BCL2L15: variants seen among roughly 807,000 people sequenced by gnomAD.
The protein encoded by BCL2L15 is bcl-2-like protein 15.
In BCL2L15, 15 loss-of-function variants were observed where a neutral mutation model predicts 18.3. That is an observed-to-expected ratio of 0.82 (90% CI 0.55 to 1.26). The LOEUF is 1.26. Ranked by LOEUF, BCL2L15 falls within the 50% of genes most tolerant of loss-of-function variation. The pLI is 0.00. For missense variants in BCL2L15, 180 were observed against 201.7 expected (o/e 0.89, Z 0.65); for synonymous variants, 58 against 68.5 (o/e 0.85, Z 0.76).
rs953698784 is a variant in BCL2L15 at position 113,886,926 on chromosome 1, G to A, written c.128-268C>T. 6.1e-5 allele frequency among the ~76,000 whole-genome samples: 9 copies of A among 148,714 alleles called. No individual in the cohort carries two copies. In the South Asian group the frequency reaches 1.1e-3, roughly 17 times the overall value. On this transcript the variant is annotated intron_variant, in intron 1 of 3. Transcript: ENST00000393316. Reference sequence around the variant, plus strand: ...ATACTGTTTTTTTTTTTTTGAGACCGAGTCTCTGTCGCCCAGACTGGAGTG... The same window carrying A: ...ATACTGTTTTTTTTTTTTTGAGACCAAGTCTCTGTCGCCCAGACTGGAGTG...
At chr1:113,881,445 A>T in intron 3 of BCL2L15, 1 of 1,342,826 alleles carries the variant, frequency 7.4e-7, no homozygotes, top group Non-Finnish European at 9.6e-7. Flanking sequence ...CCAGAAATTT[A>T]CAAAGGAACG....
chr1:113,882,266 T>C (rs1666898273), intron 2 of BCL2L15, among the ~76,000 whole-genome samples: 1 of 152,150 alleles, frequency 6.6e-6, no homozygotes, highest in Non-Finnish European at 1.5e-5. Context: ...GAAAAATGAT[T>C]TGAAAGAAAA....
rs997453793 is a variant in BCL2L15, at chr1:113,878,611, G to T, written c.*2512C>A. On this transcript the variant is annotated 3_prime_UTR_variant, in exon 4 of 4. Transcript: ENST00000393316. ...GAAACTTAGTTCAAATGCATAGACA[G>T]AAGTTTATTTCATAAAACAGAATAG... 1 of 152,304 alleles carries T rather than the reference G, an allele frequency of 6.6e-6. No individual in the cohort carries two copies. The highest frequency in any genetic ancestry group is 1.5e-5 in the Non-Finnish European group (1 of 68,020). 9.4% of individuals were successfully genotyped at this position (152,304 alleles called of 1,614,324 possible). A position where few individuals can be genotyped will look rare whatever the true frequency, so the allele number is the denominator to read the frequency against.
At position 113,878,273 on chromosome 1, in the gene BCL2L15, T is replaced by C. The variant is rs980197572; in HGVS notation, c.*2850A>G. The C allele has an allele frequency of 3.2e-4, 48 of 152,262 alleles. No individual in the cohort carries two copies. Among genetic ancestry groups the C allele is most frequent in the African/African-American group, 1.1e-3 (46 of 41,470 alleles). The allele number at this position is 152,262 out of a possible 1,614,324, so 9.4% of individuals were successfully genotyped here. ...TAGAAACTAAGGTACAGAAGAATTA[T>C]GTCTCTTGCCCAATGTCACATAATT... On this transcript the variant is annotated 3_prime_UTR_variant, in exon 4 of 4. Transcript: ENST00000393316.
At position 113,878,807 on chromosome 1, in the gene BCL2L15, G is replaced by C. The variant is rs548400326; in HGVS notation, c.*2316C>G. The C allele has an allele frequency of 2.6e-5, 4 of 151,508 alleles. No individual in the cohort carries two copies. Among genetic ancestry groups the C allele is most frequent in the African/African-American group, 4.8e-5 (2 of 41,256 alleles). 9.4% of individuals were successfully genotyped at this position (151,508 alleles called of 1,614,324 possible). A position where few individuals can be genotyped will look rare whatever the true frequency, so the allele number is the denominator to read the frequency against. On this transcript the variant is annotated 3_prime_UTR_variant, in exon 4 of 4. Transcript: ENST00000393316. ...CACATCATTTATGGATTACTAACTT[G>C]TTGTGATTTAACTAGGAATAGAGGA...
chr1:113,887,372 T>C lies in BCL2L15; in HGVS notation c.4A>G (p.Lys2Glu). 6.2e-7 allele frequency: 1 copy of C among 1,614,118 alleles called. No homozygotes were observed. The highest frequency in any genetic ancestry group is 8.5e-7 in the Non-Finnish European group (1 of 1,179,962). ...TGTTCCTCAAAAGTTTGGGAGCTCT[T>C]CATTTTAGATGTTTGCTGTCAAGTT... Reference protein sequence around the residue: MKSSQTFEEQTE... With the variant: MESSQTFEEQTE... The change falls in exon 1 of 4, where the codon AAG becomes GAG. Residue 2 changes from lysine (K) to glutamate (E), a missense_variant. Physicochemically the swap from Lys to Glu is moderately conservative, Grantham distance 56. Coordinates refer to ENST00000393316, the MANE Select transcript of BCL2L15 (RefSeq NM_001010922.3).
rs151212386 is a variant in BCL2L15 at position 113,880,986 on chromosome 1, A to T, written c.*137T>A. On this transcript the variant is annotated 3_prime_UTR_variant, in exon 4 of 4. Transcript: ENST00000393316. ...TCCCAACTTTAACAATCAGTAAAAA[A>T]TAACTTATTCAGCTAAGTTCAGTTC... 3.2e-6 allele frequency: 4 copies of T among 1,267,486 alleles called. No individual in the cohort carries two copies. In the African/African-American group the frequency reaches 6.0e-5, roughly 19 times the overall value. 78.5% of individuals were successfully genotyped at this position (1,267,486 alleles called of 1,614,324 possible). A position where few individuals can be genotyped will look rare whatever the true frequency, so the allele number is the denominator to read the frequency against.
At chr1:113,883,739 G>A (rs914986631) in intron 2 of BCL2L15, among the ~76,000 whole-genome samples, 16 of 152,100 alleles carry the variant, frequency 1.1e-4, no homozygotes, top group Non-Finnish European at 1.9e-4. Context: ...AGCGGAGATC[G>A]TGCCACTGCA....
In BCL2L15 at chr1:113,880,213, G is replaced by GTT. The variant is rs1237896886; in HGVS notation, c.*908_*909dup. ...TTTGACCTTCCTAGTAGAAACAACT[G>GTT]TTTTTGTTTGTTTGTTTGTTTTTTG... On this transcript the variant is annotated 3_prime_UTR_variant, in exon 4 of 4. Coordinates refer to ENST00000393316, the MANE Select transcript of BCL2L15 (RefSeq NM_001010922.3). 1.4e-5 allele frequency: 2 copies of GTT among 140,178 alleles called. No homozygotes were observed. The highest frequency in any genetic ancestry group is 3.3e-5 in the Non-Finnish European group (2 of 60,628). 8.7% of individuals were successfully genotyped at this position (140,178 alleles called of 1,614,324 possible).
intron 2 of BCL2L15, among the ~76,000 whole-genome samples, chr1:113,883,713 G>GGCA (rs1303398820): frequency 6.6e-5 from 10 of 152,180 alleles, no homozygotes; most frequent in Non-Finnish European, 1.2e-4. Flanking sequence ...GAATCCGAGA[G>GGCA]GCAGGGGTTG....
Position 113,880,904 on chromosome 1 carries a change from T to C in BCL2L15, c.*219A>G. 3.4e-6 allele frequency: 2 copies of C among 588,866 alleles called. No homozygotes were observed. The highest frequency in any genetic ancestry group is 2.1e-5 in the South Asian group (1 of 47,556). The allele number at this position is 588,866 out of a possible 1,614,324, so 36.5% of individuals were successfully genotyped here. ...AAGTAGAAAATCTCTGTGGTTTGCA[T>C]TAAGTTGACAAAACAAAACAAAACA... On this transcript the variant is annotated 3_prime_UTR_variant, in exon 4 of 4. Coordinates refer to ENST00000393316, the MANE Select transcript of BCL2L15 (RefSeq NM_001010922.3).
rs747389971 is a variant in BCL2L15 at position 113,886,550 on chromosome 1, G to A, written c.236C>T (p.Thr79Ile). The A allele has an allele frequency of 4.4e-5, 71 of 1,612,678 alleles. No individual in the cohort carries two copies. Among genetic ancestry groups the A allele is most frequent in the Non-Finnish European group, 5.5e-5 (65 of 1,179,702 alleles). The change falls in exon 2 of 4, where the codon ACC (threonine) becomes ATC (isoleucine). Residue 79 changes from threonine (T) to isoleucine (I), a missense_variant. Physicochemically the swap from Thr to Ile is moderately conservative, Grantham distance 89. Coordinates refer to ENST00000393316, the MANE Select transcript of BCL2L15 (RefSeq NM_001010922.3). ...EASAKNVIAE[T>I]IKGQTGAILQ... ...TAGAAACTTGACCTGTCCCTTAATG[G>A]TTTCTGCAATGACGTTTTTGGCAGA...
At chr1:113,883,481 CAA>C (rs34752806) in intron 2 of BCL2L15, among the ~76,000 whole-genome samples, 8 of 137,538 alleles carry the variant, frequency 5.8e-5, no homozygotes, top group Non-Finnish European at 1.1e-4. Context: ...GACTCCGTCT[CAA>C]AAAAAAAAAA....
Position 113,880,846 on chromosome 1 carries a change from A to G in BCL2L15, c.*277T>C. Reference sequence around the variant, plus strand: ...TTTGTGTCTAGGGGTCTTTGCTTCAACAGAACCTCATTAAAACTCATGTGA... The same window carrying G: ...TTTGTGTCTAGGGGTCTTTGCTTCAGCAGAACCTCATTAAAACTCATGTGA... On this transcript the variant is annotated 3_prime_UTR_variant, in exon 4 of 4. Coordinates refer to ENST00000393316, the MANE Select transcript of BCL2L15 (RefSeq NM_001010922.3). The G allele has an allele frequency of 2.0e-6, 1 of 497,614 alleles. No individual in the cohort carries two copies. The highest frequency in any genetic ancestry group is 3.6e-6 in the Non-Finnish European group (1 of 276,548). The allele number at this position is 497,614 out of a possible 1,614,324, so 30.8% of individuals were successfully genotyped here.
At position 113,877,314 on chromosome 1, in the gene BCL2L15, A is replaced by C. The variant is rs1008499337; in HGVS notation, c.*3809T>G. ...TGTTATTTGATGAACAGTAGGGAGCAGCTGAAGGTTTTTTTTTTTTTTTTA... is the reference window on the plus strand; with the variant it reads ...TGTTATTTGATGAACAGTAGGGAGCCGCTGAAGGTTTTTTTTTTTTTTTTA... On this transcript the variant is annotated 3_prime_UTR_variant, in exon 4 of 4. Coordinates refer to ENST00000393316, the MANE Select transcript of BCL2L15 (RefSeq NM_001010922.3). 2.0e-5 allele frequency among the ~76,000 whole-genome samples: 3 copies of C among 147,446 alleles called. No individual in the cohort carries two copies. The highest frequency in any genetic ancestry group is 4.5e-5 in the Non-Finnish European group (3 of 67,036).
rs1666751718 is a variant in BCL2L15 at position 113,877,269 on chromosome 1, G to C, written c.*3854C>G. Among the ~76,000 whole-genome samples the C allele has an allele frequency of 6.6e-6, 1 of 151,958 alleles. No homozygotes were observed. The highest frequency in any genetic ancestry group is 2.4e-5 in the African/African-American group (1 of 41,370). On this transcript the variant is annotated 3_prime_UTR_variant, in exon 4 of 4. Coordinates refer to ENST00000393316, the MANE Select transcript of BCL2L15 (RefSeq NM_001010922.3). Reference sequence around the variant, plus strand: ...ATAGGGCAGTTAGGGCCAGATACTGGGGGAATTTGAATATCAGACTGTTAT... The same window carrying C: ...ATAGGGCAGTTAGGGCCAGATACTGCGGGAATTTGAATATCAGACTGTTAT...
intron 2 of BCL2L15, among the ~76,000 whole-genome samples, chr1:113,886,125 A>G (rs1667026013): frequency 6.7e-6 from 1 of 148,830 alleles, no homozygotes; most frequent in Admixed American, 6.8e-5. Flanking sequence ...CTGCAGTGGG[A>G]GGATCGCTTG....
chr1:113,882,188 G>GA (rs1666897181), intron 2 of BCL2L15, among the ~76,000 whole-genome samples, 191 bp from the exon 3 acceptor site: 1 of 152,172 alleles, frequency 6.6e-6, no homozygotes, highest in African/African-American at 2.4e-5. Flanking sequence ...ATGGGCACTT[G>GA]AAAATACATA....
At chr1:113,882,823 C>T (rs1006503345) in intron 2 of BCL2L15, among the ~76,000 whole-genome samples, 1 of 151,940 alleles carries the variant, frequency 6.6e-6, no homozygotes, top group Non-Finnish European at 1.5e-5. Context: ...GCCTGTAGTC[C>T]CAACTACTTA....
Sources: allele counts gnomAD v4.1 joint callset (sites outside exome capture counted in the v4.1 genomes callset), GRCh38; gene constraint gnomAD v4.1.1; transcripts MANE v1.5; gene names NCBI Gene and HGNC (gene_info 2026-07-23, HGNC 2026-07-21).